PCDH15: variants seen among roughly 807,000 people sequenced by gnomAD.
PCDH15 encodes the protein protocadherin-15.
A neutral mutation model predicts 178.5 loss-of-function variants in PCDH15; 129 were observed. That is an observed-to-expected ratio of 0.72 (90% CI 0.63 to 0.84). The LOEUF (loss-of-function observed/expected upper bound fraction) is 0.84, where lower values mean the gene tolerates loss of function less well. Among genes scored for constraint, PCDH15 ranks in the 40% least tolerant of loss-of-function variants. PCDH15 has a pLI of 0.00. For synonymous variants in PCDH15, 800 were observed against 732.0 expected, an observed-to-expected ratio of 1.09 and a Z score of -1.50; for missense variants, 2,230 against 2,099.9, an observed-to-expected ratio of 1.06 and a Z score of -1.21.
chr10:53,813,316 G>A (rs1220557511), intron 35 of PCDH15, among the ~76,000 whole-genome samples: 1 of 152,002 alleles, frequency 6.6e-6, no homozygotes, highest in Admixed American at 6.6e-5. Flanking sequence ...AGGTATTGAC[G>A]CTTGCATTAC....
At chr10:55,408,144 C>T (rs892593203) in intron 2 of PCDH15, among the ~76,000 whole-genome samples, 1 of 151,930 alleles carries the variant, frequency 6.6e-6, no homozygotes, top group Non-Finnish European at 1.5e-5. Context: ...GATAGAAAAC[C>T]ACTAACTCAT....
intron 2 of PCDH15, among the ~76,000 whole-genome samples, chr10:54,528,575 T>C (rs2083586827): frequency 6.6e-6 from 1 of 152,066 alleles, no homozygotes; most frequent in Non-Finnish European, 1.5e-5. Context: ...CCCTATCAGA[T>C]TTCCTACTTC....
intron 1 of PCDH15, among the ~76,000 whole-genome samples, chr10:54,756,744 A>AG: frequency 7.2e-6 from 1 of 138,940 alleles, no homozygotes; most frequent in African/African-American, 2.6e-5. Flanking sequence ...GAGAGAGAGA[A>AG]ACTATGGATA....
intron 20 of PCDH15, among the ~76,000 whole-genome samples, chr10:54,017,616 C>G (rs1379800797): frequency 6.6e-6 from 1 of 151,688 alleles, no homozygotes; most frequent in Non-Finnish European, 1.5e-5. Flanking sequence ...AAAATAGCCA[C>G]TGAAAATTAA....
chr10:54,812,591 T>C (rs1952881999), intron 3 of PCDH15, among the ~76,000 whole-genome samples: 1 of 152,100 alleles, frequency 6.6e-6, no homozygotes, highest in Non-Finnish European at 1.5e-5. Context: ...CCCGAGTAGC[T>C]GGGACTACAG....
At chr10:54,979,644 G>A (rs988672277) in intron 2 of PCDH15, among the ~76,000 whole-genome samples, 1 of 148,410 alleles carries the variant, frequency 6.7e-6, no homozygotes, top group Non-Finnish European at 1.5e-5. Flanking sequence ...ACTCCAGCCT[G>A]GGTGACAGAG....
intron 8 of PCDH15, among the ~76,000 whole-genome samples, chr10:54,304,221 A>AT (rs1218283507): frequency 1.3e-5 from 2 of 152,202 alleles, no homozygotes; most frequent in African/African-American, 4.8e-5. Flanking sequence ...TAACACTGGC[A>AT]TAAGCCAGCT....
At chr10:55,477,490 T>C (rs1411661171) in intron 2 of PCDH15, among the ~76,000 whole-genome samples, 2 of 151,926 alleles carry the variant, frequency 1.3e-5, no homozygotes, top group Non-Finnish European at 2.9e-5. Flanking sequence ...GACTTAAGGA[T>C]ATAGCCTGGC....
At chr10:54,912,355 G>A (rs73264055) in intron 2 of PCDH15, among the ~76,000 whole-genome samples, 11,013 of 151,892 alleles carry the variant, frequency 0.073, 1,324 homozygotes, top group African/African-American at 0.25. Context: ...AGGTGACTGG[G>A]TCATGGAGCA....
In PCDH15 at chr10:54,455,654, T is replaced by C. The variant is rs11004314; in HGVS notation, c.157+72158A>G. Among the ~76,000 whole-genome samples the C allele has an allele frequency of 5.8e-3, 878 of 152,188 alleles. 14 individuals are homozygous for C. The highest frequency in any genetic ancestry group is 0.02 in the African/African-American group (836 of 41,544). On this transcript the variant is annotated intron_variant, in intron 3 of 37. Transcript: ENST00000644397. Reference sequence around the variant, plus strand: ...TTTGAAAATTTGCAACCTGATGATGTGAGAGAAAAGAAAATCTCATTTTCT... The same window carrying C: ...TTTGAAAATTTGCAACCTGATGATGCGAGAGAAAAGAAAATCTCATTTTCT...
intron 2 of PCDH15, among the ~76,000 whole-genome samples, chr10:54,603,562 A>C (rs1178376565): frequency 1.3e-5 from 2 of 151,600 alleles, no homozygotes; most frequent in African/African-American, 4.8e-5. Context: ...CGAGGCTGTG[A>C]GACAAGATGG....
intron 2 of PCDH15, among the ~76,000 whole-genome samples, chr10:55,450,869 A>C (rs1036204317): frequency 2.0e-5 from 3 of 151,374 alleles, no homozygotes; most frequent in Admixed American, 2.0e-4. Flanking sequence ...TCTGACACAC[A>C]AATGTTCTTC....
At chr10:53,844,792 G>T (rs1338101400) in intron 28 of PCDH15, among the ~76,000 whole-genome samples, 1 of 151,870 alleles carries the variant, frequency 6.6e-6, no homozygotes, top group Admixed American at 6.6e-5. Flanking sequence ...GAAAATATTG[G>T]GAAGAGACTT....
chr10:54,876,151 A>G (rs1954138965), intron 3 of PCDH15, among the ~76,000 whole-genome samples: 1 of 152,152 alleles, frequency 6.6e-6, no homozygotes, highest in Non-Finnish European at 1.5e-5. Flanking sequence ...CCTGTGCTCT[A>G]TAAACATAAC....
intron 2 of PCDH15, among the ~76,000 whole-genome samples, chr10:55,443,471 A>C (rs1839242457): frequency 6.6e-6 from 1 of 152,252 alleles, no homozygotes; most frequent in African/African-American, 2.4e-5. Context: ...AAGTGGGCAA[A>C]GGTTATGAAC....
At chr10:54,722,690 T>G (rs1941837823) in intron 1 of PCDH15, among the ~76,000 whole-genome samples, 1 of 151,580 alleles carries the variant, frequency 6.6e-6, no homozygotes, top group Non-Finnish European at 1.5e-5. Context: ...ATGACTTCAG[T>G]AAAATTTGAA....
chr10:54,458,125 TAAA>T (rs956020465), intron 3 of PCDH15, among the ~76,000 whole-genome samples: 23 of 152,202 alleles, frequency 1.5e-4, no homozygotes, highest in African/African-American at 5.3e-4. Context: ...TTTCTTTTAT[TAAA>T]GTTGAAGATT....
intron 5 of PCDH15, among the ~76,000 whole-genome samples, chr10:54,360,726 A>T (rs1386871071): frequency 6.6e-6 from 1 of 151,950 alleles, no homozygotes; most frequent in African/African-American, 2.4e-5. Flanking sequence ...TCTATTCTTC[A>T]TCCTATAGCT....
At chr10:54,440,157 G>A (rs1388280876) in intron 3 of PCDH15, among the ~76,000 whole-genome samples, 1 of 151,990 alleles carries the variant, frequency 6.6e-6, no homozygotes, top group Non-Finnish European at 1.5e-5. Context: ...GTGGCAGAAA[G>A]TTGGCTGTTT....
Sources: allele counts gnomAD v4.1 joint callset (sites outside exome capture counted in the v4.1 genomes callset), GRCh38; gene constraint gnomAD v4.1.1; transcripts MANE v1.5; gene names NCBI Gene and HGNC (gene_info 2026-07-23, HGNC 2026-07-21).